Variants in LRP1B observed in about 807,000 individuals in gnomAD.
The protein encoded by LRP1B is LDL receptor related protein 1B, also known as low-density lipoprotein receptor-related protein 1B.
In LRP1B, 217 loss-of-function variants were observed where a neutral mutation model predicts 556.6. The ratio of observed to expected loss-of-function variants is 0.39; its 90% CI spans 0.35 to 0.44. LRP1B has a LOEUF of 0.44. Among genes scored for constraint, LRP1B ranks in the 20% least tolerant of loss-of-function variants. The pLI, the probability that LRP1B is intolerant of heterozygous loss-of-function variation, is 1.00. For missense variants in LRP1B, 5,053 were observed against 5,620.8 expected (o/e 0.90, Z 3.23); for synonymous variants, 2,047 against 1,865.8 (o/e 1.10, Z -2.50).
At chr2:140,535,140 A>G (rs1264051888) in intron 46 of LRP1B, among the ~76,000 whole-genome samples, 1 of 152,172 alleles carries the variant, frequency 6.6e-6, no homozygotes, top group African/African-American at 2.4e-5. Context: ...CAGAAAGCAT[A>G]TATGATCCAC....
chr2:140,277,128 GA>G, intron 84 of LRP1B, among the ~76,000 whole-genome samples: 1 of 151,010 alleles, frequency 6.6e-6, no homozygotes, highest in African/African-American at 2.4e-5. Flanking sequence ...CAAATAACTA[GA>G]AAAAAATGGA....
In LRP1B at chr2:141,188,523, C is replaced by G. The variant is rs2105193607; in HGVS notation, c.911G>C (p.Gly304Ala). Residue 304 changes from glycine (G) to alanine (A), a missense_variant, in exon 7 of 91, where the codon GGT becomes GCT. By Grantham distance (60) the Gly-to-Ala change is moderately conservative. This residue lies in a region of LRP1B where 3,619 missense variants were observed against 3,931.9 expected (regional missense o/e 0.92). Transcript: ENST00000389484. ...GGAATTACAAACAAAGATCCGGTCACCGACATGGTCCACAAAATAGAGATT... is the reference window on the plus strand; with the variant it reads ...GGAATTACAAACAAAGATCCGGTCAGCGACATGGTCCACAAAATAGAGATT... The part of the protein sequence containing the change: ...TRNLYFVDHV[G>A]DRIFVCNSNG... 1 of 1,612,778 alleles carries G rather than the reference C, an allele frequency of 6.2e-7. No individual in the cohort carries two copies. The highest frequency in any genetic ancestry group is 8.5e-7 in the Non-Finnish European group (1 of 1,179,238).
chr2:141,672,943 C>T (rs1309133819), intron 2 of LRP1B, among the ~76,000 whole-genome samples: 1 of 152,142 alleles, frequency 6.6e-6, no homozygotes, highest in African/African-American at 2.4e-5. Flanking sequence ...TGCCACTCTA[C>T]CAAGCCCTGG....
chr2:141,320,871 C>T (rs1687212454), intron 3 of LRP1B, among the ~76,000 whole-genome samples: 1 of 151,948 alleles, frequency 6.6e-6, no homozygotes, highest in African/African-American at 2.4e-5. Flanking sequence ...TTTTGTTCCA[C>T]GTGGGTAAGA....
intron 18 of LRP1B, among the ~76,000 whole-genome samples, chr2:140,956,451 A>T (rs1313086708): frequency 6.6e-6 from 1 of 151,810 alleles, no homozygotes; most frequent in African/African-American, 2.4e-5. Context: ...TTAAACTTCA[A>T]TTCTAATTTT....
In LRP1B at chr2:141,468,818, A is replaced by T. The variant is rs145421952; in HGVS notation, c.343+11578T>A. 1.0e-3 allele frequency among the ~76,000 whole-genome samples: 152 copies of T among 152,256 alleles called. 3 individuals carry two copies. The highest frequency in any genetic ancestry group is 3.3e-3 in the African/African-American group (137 of 41,556). On this transcript the variant is annotated intron_variant, in intron 3 of 90. Coordinates refer to ENST00000389484, the MANE Select transcript of LRP1B (RefSeq NM_018557.3). ...CACACCACACATTTCAGCTAATGGG[A>T]GTAAAAATTGCTCTTTAGGGCTTGT...
intron 3 of LRP1B, among the ~76,000 whole-genome samples, chr2:141,309,558 C>A (rs1387802736): frequency 6.6e-6 from 1 of 152,142 alleles, no homozygotes; most frequent in African/African-American, 2.4e-5. Context: ...TCTCTTGCCC[C>A]ATTTTGCTAT....
chr2:140,807,158 T>A (rs540260905), intron 32 of LRP1B, among the ~76,000 whole-genome samples: 1 of 152,128 alleles, frequency 6.6e-6, no homozygotes, highest in Non-Finnish European at 1.5e-5. Context: ...ATGTCAAAAG[T>A]TGTGAGGAAA....
At chr2:140,761,934 TCTC>T (rs1381067792) in intron 35 of LRP1B, among the ~76,000 whole-genome samples, 3 of 151,912 alleles carry the variant, frequency 2.0e-5, no homozygotes, top group Admixed American at 6.6e-5. Context: ...TCTCTCTTCT[TCTC>T]CTCATCCATT....
At chr2:140,350,024 T>A (rs1216205933) in intron 77 of LRP1B, among the ~76,000 whole-genome samples, 1 of 152,104 alleles carries the variant, frequency 6.6e-6, no homozygotes, top group Non-Finnish European at 1.5e-5. Context: ...TAATTTTTGT[T>A]AAACACAAAG....
At chr2:140,724,903 A>T (rs952834895) in intron 35 of LRP1B, among the ~76,000 whole-genome samples, 22 of 152,190 alleles carry the variant, frequency 1.4e-4, no homozygotes, top group African/African-American at 5.1e-4. Context: ...CTGGTTGCAC[A>T]TACATTTCTT....
rs562106135 is a variant in LRP1B at position 140,637,644 on chromosome 2, C to T, written c.6800-36005G>A. Among the ~76,000 whole-genome samples, 19 of 152,114 alleles carry T rather than the reference C, an allele frequency of 1.2e-4. No individual in the cohort carries two copies. The East Asian group carries it at 2.3e-3, about 19-fold the overall frequency. ...TGCTTGGGCAGTTTAGTGTGGAATC[C>T]GTGCCAGGTGCCACTGTTGTAGTCC... On this transcript the variant is annotated intron_variant, in intron 41 of 90. Coordinates refer to ENST00000389484, the MANE Select transcript of LRP1B (RefSeq NM_018557.3).
intron 3 of LRP1B, among the ~76,000 whole-genome samples, chr2:141,418,857 T>G (rs926029626): frequency 6.6e-6 from 1 of 152,162 alleles, no homozygotes; most frequent in South Asian, 2.1e-4. Context: ...TCAAGTCTTC[T>G]GATCCATGAA....
At chr2:140,987,228 G>A (rs1314166336) in intron 17 of LRP1B, among the ~76,000 whole-genome samples, 1 of 152,046 alleles carries the variant, frequency 6.6e-6, no homozygotes, top group Non-Finnish European at 1.5e-5. Flanking sequence ...TATAATAGCT[G>A]TCATAAATAT....
At chr2:141,310,033 G>C (rs1313437739) in intron 3 of LRP1B, among the ~76,000 whole-genome samples, 1 of 152,094 alleles carries the variant, frequency 6.6e-6, no homozygotes, top group Non-Finnish European at 1.5e-5. Context: ...GCAGCCTTGA[G>C]GGACTAAGGC....
chr2:141,435,172 G>T (rs1370509531), intron 3 of LRP1B, among the ~76,000 whole-genome samples: 1 of 152,116 alleles, frequency 6.6e-6, no homozygotes, highest in African/African-American at 2.4e-5. Context: ...TCAACCCTGG[G>T]TCAAAGTAGC....
intron 6 of LRP1B, among the ~76,000 whole-genome samples, chr2:141,197,933 G>A (rs373528157): frequency 6.6e-5 from 10 of 152,004 alleles, no homozygotes; most frequent in East Asian, 3.9e-4. Flanking sequence ...TTCTATTCAC[G>A]TTTCTGTTCT....
chr2:141,244,982 A>G (rs1315319435), intron 5 of LRP1B, among the ~76,000 whole-genome samples: 1 of 152,152 alleles, frequency 6.6e-6, no homozygotes, highest in East Asian at 1.9e-4. Flanking sequence ...GGACATTATC[A>G]TGTTCCATCT....
chr2:141,474,811 T>C (rs1682638212), intron 3 of LRP1B, among the ~76,000 whole-genome samples: 4 of 152,124 alleles, frequency 2.6e-5, no homozygotes, highest in South Asian at 4.1e-4. Flanking sequence ...TATGTATTTG[T>C]ATGTTTTGGG....
Sources: allele counts gnomAD v4.1 joint callset (sites outside exome capture counted in the v4.1 genomes callset), GRCh38; gene constraint gnomAD v4.1.1; regional missense constraint gnomAD v4.1.1; transcripts MANE v1.5; gene names NCBI Gene and HGNC (gene_info 2026-07-23, HGNC 2026-07-21).